ST6GAL2: variants seen among roughly 807,000 people sequenced by gnomAD.
The protein encoded by ST6GAL2 is ST6 beta-galactoside alpha-2,6-sialyltransferase 2.
ST6GAL2 carries 24 observed loss-of-function variants against 37.5 expected under a neutral mutation model. The ratio of observed to expected loss-of-function variants is 0.64; its 90% CI spans 0.46 to 0.90. The LOEUF (loss-of-function observed/expected upper bound fraction) is 0.90. Ranked by LOEUF, ST6GAL2 falls within the 40% of genes least tolerant of loss-of-function variation. ST6GAL2 has a pLI of 0.00. For missense variants in ST6GAL2, 715 were observed against 712.7 expected, an observed-to-expected ratio of 1.00 and a Z score of -0.04; for synonymous variants, 306 against 295.1, an observed-to-expected ratio of 1.04 and a Z score of -0.38.
At chr2:106,840,937 T>C (rs760212204) in intron 2 of ST6GAL2, among the ~76,000 whole-genome samples, 1 of 152,204 alleles carries the variant, frequency 6.6e-6, no homozygotes, top group Non-Finnish European at 1.5e-5. Context: ...ATATTGGCTC[T>C]CAGAAATGAG....
chr2:106,846,141 C>G (rs1488619045), intron 1 of ST6GAL2, among the ~76,000 whole-genome samples: 2 of 152,170 alleles, frequency 1.3e-5, no homozygotes, highest in Non-Finnish European at 2.9e-5. Context: ...GACTCCATCT[C>G]CAGCCAACAT....
chr2:106,846,719 A>G (rs1304265083), intron 1 of ST6GAL2, among the ~76,000 whole-genome samples: 1 of 152,222 alleles, frequency 6.6e-6, no homozygotes, highest in Non-Finnish European at 1.5e-5. Context: ...ACAGTAATAC[A>G]TCAAACCTAC....
At chr2:106,834,988 T>C (rs1676578533) in intron 2 of ST6GAL2, 1 of 152,230 alleles carries the variant, frequency 6.6e-6, no homozygotes, top group South Asian at 2.1e-4. Context: ...GGTACCCCTA[T>C]CCTGGAGGCT....
intron 5 of ST6GAL2, 71 bp from the exon 6 acceptor site, chr2:106,807,020 GGGT>G: frequency 7.4e-7 from 1 of 1,358,324 alleles, no homozygotes; most frequent in Non-Finnish European, 1.0e-6. Context: ...TTTGGGGGAG[GGGT>G]GGTGGTGATG....
chr2:106,836,455 T>C (rs1676641407), intron 2 of ST6GAL2, among the ~76,000 whole-genome samples: 2 of 152,272 alleles, frequency 1.3e-5, no homozygotes, highest in South Asian at 4.1e-4. Flanking sequence ...TTGTGCTCTG[T>C]TACATTAAAA....
chr2:106,872,888 T>C (rs1222508981), intron 1 of ST6GAL2, among the ~76,000 whole-genome samples: 2 of 152,204 alleles, frequency 1.3e-5, no homozygotes, highest in African/African-American at 4.8e-5. Flanking sequence ...CTTCAATCGC[T>C]GGTAATTTTT....
chr2:106,834,169 C>T (rs781567931), intron 2 of ST6GAL2, 23 bp from the exon 3 acceptor site: 1 of 1,558,308 alleles, frequency 6.4e-7, no homozygotes, highest in Non-Finnish European at 8.8e-7. Context: ...AAGTGACAAG[C>T]TTACTTTTGT....
Position 106,843,300 on chromosome 2 carries a change from C to G in ST6GAL2, c.678G>C (p.Lys226Asn). The change falls in exon 2 of 6, where the codon AAG (lysine) becomes AAC (asparagine). Residue 226 changes from lysine to asparagine, a missense_variant. By Grantham distance (94) the Lys-to-Asn change is moderately conservative. Transcript: ENST00000409382. ...MLNPRLQKAM[K>N]DYLTANKHGV... ...CGTGCTTGTTGGCGGTCAGGTAATC[C>G]TTCATCGCCTTCTGCAGGCGCGGGT... is the stretch of plus-strand genomic sequence containing the variant. 6.2e-7 allele frequency: 1 copy of G among 1,613,262 alleles called. No homozygotes were observed.
chr2:106,860,607 T>C (rs1460114669), intron 1 of ST6GAL2, among the ~76,000 whole-genome samples: 1 of 152,212 alleles, frequency 6.6e-6, no homozygotes. Flanking sequence ...TCACAGGTCC[T>C]CTTTATAAAG....
intron 5 of ST6GAL2, among the ~76,000 whole-genome samples, chr2:106,818,312 G>A (rs1221069206): frequency 6.6e-6 from 1 of 151,570 alleles, no homozygotes; most frequent in East Asian, 1.9e-4. Context: ...CAGTCCCAGT[G>A]ATGGTGGTCA....
chr2:106,829,928 C>A (rs202220650), intron 5 of ST6GAL2, 138 bp downstream of exon 5: 3 of 846,298 alleles, frequency 3.5e-6, no homozygotes, highest in Non-Finnish European at 3.6e-6. Flanking sequence ...AAAAAAAATC[C>A]AAAATCAGAA....
chr2:106,809,276 A>C (rs1675526891), intron 5 of ST6GAL2, among the ~76,000 whole-genome samples: 1 of 152,212 alleles, frequency 6.6e-6, no homozygotes, highest in South Asian at 2.1e-4. Context: ...ATCATTAATC[A>C]ATATATTTAT....
chr2:106,885,496 T>C (rs1040748311), intron 1 of ST6GAL2, among the ~76,000 whole-genome samples: 1 of 152,138 alleles, frequency 6.6e-6, no homozygotes, highest in African/African-American at 2.4e-5. Flanking sequence ...ATTCAGCTCT[T>C]TGGAAGGCAG....
chr2:106,877,810 C>G (rs1483018986), intron 1 of ST6GAL2, among the ~76,000 whole-genome samples: 1 of 152,252 alleles, frequency 6.6e-6, no homozygotes. Context: ...CCTCTCCACA[C>G]ACACAAATCT....
chr2:106,885,184 C>T (rs1226959017), intron 1 of ST6GAL2, among the ~76,000 whole-genome samples: 1 of 151,804 alleles, frequency 6.6e-6, no homozygotes, highest in African/African-American at 2.4e-5. Flanking sequence ...CCCAAGCAGG[C>T]AGTCCTCGGC....
At chr2:106,855,486 T>G (rs1677538106) in intron 1 of ST6GAL2, among the ~76,000 whole-genome samples, 2 of 152,172 alleles carry the variant, frequency 1.3e-5, no homozygotes, top group African/African-American at 4.8e-5. Flanking sequence ...GTAAAATGTT[T>G]AAACACATAA....
rs755704412 is a variant in ST6GAL2 at position 106,834,052 on chromosome 2, C to A, written c.1038G>T (p.Ser346=). Reference sequence around the variant, plus strand: ...GAAAACACTCCATCTGTCTTACCTGCGAATTAATGATGCGTATGGTGGTTT... The same window carrying A: ...GAAAACACTCCATCTGTCTTACCTGAGAATTAATGATGCGTATGGTGGTTT... ...GNKTTIRIIN[S]QILTNPSHHF... Residue 346 remains serine, a synonymous_variant, in exon 3 of 6, where the codon TCG becomes TCT. Coordinates refer to ENST00000409382, the MANE Select transcript of ST6GAL2 (RefSeq NM_001142351.2). 4.3e-6 allele frequency: 7 copies of A among 1,609,544 alleles called. No individual in the cohort carries two copies. The highest frequency in any genetic ancestry group is 6.0e-6 in the Non-Finnish European group (7 of 1,176,346).
At chr2:106,847,865 C>G (rs1677204627) in intron 1 of ST6GAL2, among the ~76,000 whole-genome samples, 2 of 151,988 alleles carry the variant, frequency 1.3e-5, no homozygotes, top group African/African-American at 4.8e-5. Flanking sequence ...GTTCATGAAC[C>G]AGAAGCTCCA....
rs534698163 is a variant in ST6GAL2, at chr2:106,862,371, G to C, written c.-57-18337C>G. ...CTACAGTACAAATACATACTCCCTA[G>C]ATTGCTTTTCGAGAAAGGAAAATGT... On this transcript the variant is annotated intron_variant, in intron 1 of 5. Coordinates refer to ENST00000409382, the MANE Select transcript of ST6GAL2 (RefSeq NM_001142351.2). Among the ~76,000 whole-genome samples the C allele has an allele frequency of 4.6e-5, 7 of 152,248 alleles. No individual in the cohort carries two copies. The South Asian group carries it at 1.2e-3, about 27-fold the overall frequency.
Sources: gnomAD v4.1 joint callset for allele counts (sites outside exome capture counted in the v4.1 genomes callset) on GRCh38, gnomAD v4.1.1 for gene constraint, MANE v1.5 for transcripts, NCBI Gene and HGNC (gene_info 2026-07-23, HGNC 2026-07-21) for gene names.